KCNIP4: variants seen among roughly 807,000 people sequenced by gnomAD.
KCNIP4 encodes potassium voltage-gated channel interacting protein 4.
Under a neutral mutation model 34.0 loss-of-function variants are expected in KCNIP4, and 12 were observed. The observed-to-expected ratio is 0.35, with a 90% confidence interval of 0.23 to 0.57. The LOEUF (loss-of-function observed/expected upper bound fraction) is 0.57, where lower values mean the gene tolerates loss of function less well. Among genes scored for constraint, KCNIP4 ranks in the 20% least tolerant of loss-of-function variants. The pLI is 0.83. For missense variants in KCNIP4, 238 were observed against 311.7 expected, an observed-to-expected ratio of 0.76 and a Z score of 1.78; for synonymous variants, 124 against 102.2, an observed-to-expected ratio of 1.21 and a Z score of -1.29.
At position 21,871,105 on chromosome 4, in the gene KCNIP4, GT is replaced by G. The variant is rs761518398; in HGVS notation, c.61+77465del. On this transcript the variant is annotated intron_variant, in intron 1 of 8. Transcript: ENST00000382152. Reference sequence around the variant, plus strand: ...CTTGAGCATGTCCTTCAAGAGCCCAGTTTTTTTTTTTTAATACTTTAAGTTC... The same window carrying G: ...CTTGAGCATGTCCTTCAAGAGCCCAGTTTTTTTTTTTAATACTTTAAGTTC... Among the ~76,000 whole-genome samples, 620 of 144,950 alleles carry G rather than the reference GT, an allele frequency of 4.3e-3. 1 individual carries two copies. The highest frequency in any genetic ancestry group is 0.013 in the African/African-American group (516 of 39,844).
At chr4:21,052,454 A>C (rs1743015924) in intron 1 of KCNIP4, among the ~76,000 whole-genome samples, 1 of 152,194 alleles carries the variant, frequency 6.6e-6, no homozygotes, top group South Asian at 2.1e-4. Flanking sequence ...CACTGAATTT[A>C]AGAAGTTTTA....
At chr4:21,747,095 T>C (rs1716828415) in intron 1 of KCNIP4, among the ~76,000 whole-genome samples, 1 of 152,306 alleles carries the variant, frequency 6.6e-6, no homozygotes, top group South Asian at 2.1e-4. Context: ...CTTCTTACTT[T>C]AATGCTTTGC....
intron 1 of KCNIP4, among the ~76,000 whole-genome samples, chr4:21,585,746 C>T (rs189943634): frequency 3.3e-4 from 50 of 151,998 alleles, no homozygotes; most frequent in Admixed American, 4.6e-4. Context: ...AGAGGAAATT[C>T]CAAGAAGCTT....
At chr4:21,576,400 C>A (rs1236727682) in intron 1 of KCNIP4, among the ~76,000 whole-genome samples, 1 of 152,098 alleles carries the variant, frequency 6.6e-6, no homozygotes, top group Non-Finnish European at 1.5e-5. Flanking sequence ...CAGTATTTTG[C>A]ATTTTCTGCT....
At chr4:21,118,868 T>C (rs575906716) in intron 1 of KCNIP4, among the ~76,000 whole-genome samples, 6 of 152,294 alleles carry the variant, frequency 3.9e-5, no homozygotes, top group Admixed American at 2.0e-4. Flanking sequence ...GCTTGACTTC[T>C]TGCCAGTGTT....
rs537572210 is a variant in KCNIP4, at chr4:21,865,537, T to C, written c.61+83034A>G. On this transcript the variant is annotated intron_variant, in intron 1 of 8. Transcript: ENST00000382152. ...AAATGAGACTCTTTTTTAATTTTTA[T>C]TTTATTTATTTGTTTATTTTTTTGA... Among the ~76,000 whole-genome samples, 49 of 152,212 alleles carry C rather than the reference T, an allele frequency of 3.2e-4. 1 individual carries two copies. Among genetic ancestry groups the C allele is most frequent in the South Asian group, 6.2e-4 (3 of 4,820 alleles).
At chr4:21,030,116 T>C (rs1344537748) in intron 1 of KCNIP4, among the ~76,000 whole-genome samples, 1 of 152,080 alleles carries the variant, frequency 6.6e-6, no homozygotes, top group Non-Finnish European at 1.5e-5. Flanking sequence ...AAGAGGTGAG[T>C]AGCAGGCGAG....
In KCNIP4 at chr4:20,761,075, G is replaced by A. The variant is rs369072911; in HGVS notation, c.289-2185C>T. On this transcript the variant is annotated intron_variant, in intron 3 of 8. Coordinates refer to ENST00000382152, the MANE Select transcript of KCNIP4 (RefSeq NM_025221.6). ...CTCCACAATGTGAGGGGGCCTCATT[G>A]AATCAGTTTAAGGCCTGAACAGAAC... is the stretch of plus-strand genomic sequence containing the variant. Among the ~76,000 whole-genome samples, 96 of 152,266 alleles carry A rather than the reference G, an allele frequency of 6.3e-4. No individual in the cohort carries two copies. In the Middle Eastern group the frequency reaches 0.017, roughly 27 times the overall value.
chr4:21,707,917 C>A (rs1409983112), intron 1 of KCNIP4, among the ~76,000 whole-genome samples: 1 of 126,112 alleles, frequency 7.9e-6, no homozygotes, highest in Non-Finnish European at 1.7e-5. Context: ...CTGACATTAT[C>A]CTGAAACACA....
At chr4:20,772,628 TTCTC>T (rs10582045) in intron 3 of KCNIP4, among the ~76,000 whole-genome samples, 2 of 151,116 alleles carry the variant, frequency 1.3e-5, no homozygotes, top group Admixed American at 1.3e-4. Context: ...TTTGTTCCCT[TTCTC>T]TCTCTCTTTC....
At chr4:21,231,225 T>C (rs979242918) in intron 1 of KCNIP4, among the ~76,000 whole-genome samples, 21 of 152,178 alleles carry the variant, frequency 1.4e-4, no homozygotes, top group Middle Eastern at 3.2e-3. Context: ...CAAAATTCTC[T>C]TAAAGGGCTA....
At chr4:21,383,738 A>G (rs991895156) in intron 1 of KCNIP4, among the ~76,000 whole-genome samples, 7 of 152,212 alleles carry the variant, frequency 4.6e-5, no homozygotes, top group Admixed American at 2.0e-4. Context: ...TCCTGCTTCC[A>G]TTCTCTGTCC....
intron 1 of KCNIP4, among the ~76,000 whole-genome samples, chr4:21,207,729 T>G (rs1248303546): frequency 6.6e-6 from 1 of 152,192 alleles, no homozygotes; most frequent in Non-Finnish European, 1.5e-5. Context: ...CTTAAATGAT[T>G]ACATGACAGG....
intron 1 of KCNIP4, among the ~76,000 whole-genome samples, chr4:21,076,213 T>C (rs910852222): frequency 6.6e-6 from 1 of 152,190 alleles, no homozygotes. Flanking sequence ...AGTTCTCTCC[T>C]GGATAATATC....
intron 1 of KCNIP4, chr4:21,697,705 C>G: frequency 8.2e-7 from 1 of 1,226,912 alleles, no homozygotes; most frequent in Non-Finnish European, 1.0e-6. Context: ...TGGCAACAGA[C>G]AGGCTGCCGG....
At chr4:21,758,472 G>A (rs1717816056) in intron 1 of KCNIP4, among the ~76,000 whole-genome samples, 1 of 152,126 alleles carries the variant, frequency 6.6e-6, no homozygotes, top group Admixed American at 6.5e-5. Flanking sequence ...CAGGACTTTG[G>A]CACATGCTTA....
chr4:21,230,940 T>C (rs752252106), intron 1 of KCNIP4, among the ~76,000 whole-genome samples: 4 of 152,162 alleles, frequency 2.6e-5, no homozygotes, highest in Non-Finnish European at 4.4e-5. Flanking sequence ...AATCGCCACA[T>C]TGTCTTCCAA....
chr4:21,600,781 C>A (rs1462920910), intron 1 of KCNIP4, among the ~76,000 whole-genome samples: 1 of 152,040 alleles, frequency 6.6e-6, no homozygotes, highest in Non-Finnish European at 1.5e-5. Context: ...CTCCAATACC[C>A]ATGTTGTATT....
chr4:21,086,706 A>G (rs549135572), intron 1 of KCNIP4, among the ~76,000 whole-genome samples: 32 of 152,218 alleles, frequency 2.1e-4, no homozygotes, highest in Admixed American at 7.2e-4. Flanking sequence ...AAATTCTTCT[A>G]TCTATGCTAT....
Sources: gnomAD v4.1 joint callset for allele counts (sites outside exome capture counted in the v4.1 genomes callset) on GRCh38, gnomAD v4.1.1 for gene constraint, MANE v1.5 for transcripts, NCBI Gene and HGNC (gene_info 2026-07-23, HGNC 2026-07-21) for gene names.